Variants in GALNTL6 observed in about 807,000 individuals in gnomAD.
GALNTL6 encodes polypeptide N-acetylgalactosaminyltransferase like 6, also known as polypeptide N-acetylgalactosaminyltransferase-like 6.
Under a neutral mutation model 73.7 loss-of-function variants are expected in GALNTL6, and 46 were observed. The ratio of observed to expected loss-of-function variants is 0.62; its 90% CI spans 0.49 to 0.80. The LOEUF (loss-of-function observed/expected upper bound fraction) is 0.80. Among genes scored for constraint, GALNTL6 ranks in the 30% least tolerant of loss-of-function variants. GALNTL6 has a pLI of 0.00. For missense variants in GALNTL6, 604 were observed against 755.0 expected (o/e 0.80, Z 2.34); for synonymous variants, 259 against 263.7 (o/e 0.98, Z 0.17).
chr4:172,708,944 G>T (rs756637630), intron 5 of GALNTL6, among the ~76,000 whole-genome samples: 3 of 152,116 alleles, frequency 2.0e-5, no homozygotes, highest in Non-Finnish European at 1.5e-5. Context: ...GGATTTGAAG[G>T]CATTTTATCT....
In GALNTL6 at chr4:172,031,411, C is replaced by T. The variant is rs545472320; in HGVS notation, c.139-198245C>T. 3.3e-5 allele frequency among the ~76,000 whole-genome samples: 5 copies of T among 152,174 alleles called. No individual in the cohort carries two copies. The East Asian group carries it at 7.7e-4, about 24-fold the overall frequency. ...AAGGTTTTAGAATAAACTTACAAGACGTGCTCCTTAAAAAATTTATTGTCA... is the reference window on the plus strand; with the variant it reads ...AAGGTTTTAGAATAAACTTACAAGATGTGCTCCTTAAAAAATTTATTGTCA... On this transcript the variant is annotated intron_variant, in intron 2 of 12. Transcript: ENST00000506823.
intron 4 of GALNTL6, among the ~76,000 whole-genome samples, chr4:172,315,790 T>C (rs896791478): frequency 6.6e-6 from 1 of 151,130 alleles, no homozygotes; most frequent in African/African-American, 2.4e-5. Context: ...GGTTTTATTT[T>C]GCCACACTTT....
intron 5 of GALNTL6, among the ~76,000 whole-genome samples, chr4:172,595,719 A>G (rs1737825522): frequency 6.6e-6 from 1 of 152,168 alleles, no homozygotes; most frequent in East Asian, 1.9e-4. Flanking sequence ...ACCTTATTCT[A>G]ATCAGCATTA....
intron 3 of GALNTL6, among the ~76,000 whole-genome samples, chr4:172,238,050 A>T (rs1460704274): frequency 6.6e-6 from 1 of 152,004 alleles, no homozygotes; most frequent in African/African-American, 2.4e-5. Flanking sequence ...TTTTGCTTAG[A>T]TTGCTTTGGC....
chr4:172,008,850 C>A (rs111558296), intron 2 of GALNTL6, among the ~76,000 whole-genome samples: 14 of 152,100 alleles, frequency 9.2e-5, no homozygotes, highest in Middle Eastern at 3.4e-3. Flanking sequence ...TTTAGTCTTG[C>A]GAATCTACCT....
intron 3 of GALNTL6, among the ~76,000 whole-genome samples, chr4:172,281,366 A>G (rs1739048467): frequency 1.3e-5 from 2 of 151,926 alleles, no homozygotes; most frequent in Non-Finnish European, 2.9e-5. Context: ...TAGTTGTCAC[A>G]TCCTCTGAGT....
At chr4:171,920,771 T>C (rs1952753089) in intron 2 of GALNTL6, among the ~76,000 whole-genome samples, 1 of 152,094 alleles carries the variant, frequency 6.6e-6, no homozygotes, top group African/African-American at 2.4e-5. Context: ...AGAAAGAATA[T>C]TCATAAAAAT....
intron 5 of GALNTL6, among the ~76,000 whole-genome samples, chr4:172,475,776 A>C: frequency 6.6e-6 from 1 of 152,226 alleles, no homozygotes; most frequent in East Asian, 1.9e-4. Flanking sequence ...AGTGAAAATC[A>C]AAGTGAAATC....
intron 2 of GALNTL6, among the ~76,000 whole-genome samples, chr4:171,851,542 T>G (rs898931272): frequency 1.3e-5 from 2 of 152,168 alleles, no homozygotes; most frequent in Admixed American, 1.3e-4. Flanking sequence ...GCAATAACAC[T>G]CTCAGATAGC....
chr4:172,588,455 G>A (rs998078378), intron 5 of GALNTL6, among the ~76,000 whole-genome samples: 1 of 151,472 alleles, frequency 6.6e-6, no homozygotes, highest in African/African-American at 2.4e-5. Flanking sequence ...TTAGCTGAGC[G>A]TGGTGGCGTG....
chr4:172,121,021 A>C (rs2110998366), intron 2 of GALNTL6, among the ~76,000 whole-genome samples: 1 of 151,726 alleles, frequency 6.6e-6, no homozygotes, highest in East Asian at 1.9e-4. Flanking sequence ...AGAGAGGGAG[A>C]CTCTCTAAAA....
chr4:172,730,470 G>T (rs1035831374), intron 5 of GALNTL6, among the ~76,000 whole-genome samples: 2 of 152,106 alleles, frequency 1.3e-5, no homozygotes, highest in Non-Finnish European at 2.9e-5. Flanking sequence ...ATGCTTTTGA[G>T]GCATCTGTTG....
chr4:171,880,003 T>C (rs1219462456), intron 2 of GALNTL6, among the ~76,000 whole-genome samples: 3 of 152,238 alleles, frequency 2.0e-5, no homozygotes, highest in Non-Finnish European at 4.4e-5. Flanking sequence ...CCTATCTCAA[T>C]GGTGGTCCAT....
intron 2 of GALNTL6, among the ~76,000 whole-genome samples, chr4:172,136,748 A>G (rs963206955): frequency 1.3e-5 from 2 of 151,966 alleles, no homozygotes; most frequent in Admixed American, 6.6e-5. Context: ...CATAGATTGT[A>G]CAAGGTAACT....
intron 5 of GALNTL6, among the ~76,000 whole-genome samples, chr4:172,487,323 T>TTTCG (rs1733717723): frequency 8.0e-6 from 1 of 124,442 alleles, no homozygotes; most frequent in Non-Finnish European, 1.9e-5. Context: ...TCTTTCTTTC[T>TTTCG]TTCTTTCTTT....
At chr4:172,658,800 C>T (rs565160985) in intron 5 of GALNTL6, among the ~76,000 whole-genome samples, 6 of 152,250 alleles carry the variant, frequency 3.9e-5, no homozygotes, top group African/African-American at 1.2e-4. Flanking sequence ...TGGTGACAGT[C>T]ATCTCAGCTA....
chr4:172,106,997 C>T (rs1004703909), intron 2 of GALNTL6, among the ~76,000 whole-genome samples: 3 of 152,298 alleles, frequency 2.0e-5, no homozygotes, highest in Middle Eastern at 3.4e-3. Flanking sequence ...CCTCAGCCTC[C>T]CTAGTAGCTG....
chr4:172,862,444 A>G (rs955469484), intron 7 of GALNTL6, among the ~76,000 whole-genome samples: 3 of 152,220 alleles, frequency 2.0e-5, no homozygotes, highest in African/African-American at 7.2e-5. Flanking sequence ...TGGGATAGAA[A>G]AGAAAAACCC....
chr4:172,274,444 C>G (rs957504264), intron 3 of GALNTL6, among the ~76,000 whole-genome samples: 8 of 152,152 alleles, frequency 5.3e-5, no homozygotes, highest in African/African-American at 1.9e-4. Context: ...TAGAATCAGA[C>G]AATCCGTAGA....
Sources: allele counts gnomAD v4.1 joint callset (sites outside exome capture counted in the v4.1 genomes callset), GRCh38; gene constraint gnomAD v4.1.1; transcripts MANE v1.5; gene names NCBI Gene and HGNC (gene_info 2026-07-23, HGNC 2026-07-21).